Variants in CGNL1 observed in about 807,000 individuals in gnomAD.
CGNL1 encodes cingulin-like protein 1.
CGNL1 carries 132 observed loss-of-function variants against 141.2 expected under a neutral mutation model. The observed-to-expected ratio is 0.93, with a 90% confidence interval of 0.81 to 1.08. The LOEUF (loss-of-function observed/expected upper bound fraction) is 1.08, where lower values mean the gene tolerates loss of function less well. CGNL1 is among the 50% of genes least tolerant of loss of function. The pLI is 0.00. For synonymous variants in CGNL1, 690 were observed against 622.1 expected, an observed-to-expected ratio of 1.11 and a Z score of -1.63; for missense variants, 1,870 against 1,588.6, an observed-to-expected ratio of 1.18 and a Z score of -3.01.
At chr15:57,520,657 G>C (rs181507105) in intron 10 of CGNL1, among the ~76,000 whole-genome samples, 87 of 152,304 alleles carry the variant, frequency 5.7e-4, no homozygotes, top group African/African-American at 2.0e-3. Flanking sequence ...AAGTAAAGAA[G>C]CCTTTGCTGG....
At chr15:57,510,924 C>CTA (rs1314398290) in intron 8 of CGNL1, among the ~76,000 whole-genome samples, 1 of 152,188 alleles carries the variant, frequency 6.6e-6, no homozygotes, top group Non-Finnish European at 1.5e-5. Context: ...TCCGGCTCCG[C>CTA]TATCTTTCAC....
chr15:57,521,810 C>T (rs1396337121), intron 10 of CGNL1, among the ~76,000 whole-genome samples: 1 of 151,786 alleles, frequency 6.6e-6, no homozygotes, highest in African/African-American at 2.4e-5. Context: ...GCCTGGAGCC[C>T]TTGGGATTGG....
At chr15:57,437,167 C>T (rs183074696) in intron 1 of CGNL1, among the ~76,000 whole-genome samples, 1 of 152,262 alleles carries the variant, frequency 6.6e-6, no homozygotes, top group East Asian at 1.9e-4. Flanking sequence ...CAAGGTTGGC[C>T]ACACACCAGA....
intron 14 of CGNL1, among the ~76,000 whole-genome samples, chr15:57,541,111 C>G (rs2032541640): frequency 6.6e-6 from 1 of 152,260 alleles, no homozygotes; most frequent in Non-Finnish European, 1.5e-5. Context: ...CAGCGTGTCT[C>G]ATTCAATCAA....
chr15:57,545,638 G>T lies in CGNL1; in HGVS notation c.3547G>T (p.Val1183Leu). ...CAGCAACCGGCGGCTGGAGCGGAAA[G>T]TGAAGGAGCTGGTGATGCAGGTGGA... ...QLSNRRLERK[V>L]KELVMQVDDE... The change falls in exon 17 of 19, where the codon GTG becomes TTG. Residue 1183 changes from valine (V) to leucine (L), a missense_variant. By Grantham distance (32) the Val-to-Leu change is conservative. Coordinates refer to ENST00000281282, the MANE Select transcript of CGNL1 (RefSeq NM_032866.5). 6.2e-7 allele frequency: 1 copy of T among 1,613,838 alleles called. No individual in the cohort carries two copies. The highest frequency in any genetic ancestry group is 2.2e-5 in the East Asian group (1 of 44,890).
intron 1 of CGNL1, among the ~76,000 whole-genome samples, chr15:57,378,859 C>T (rs531255212): frequency 6.6e-6 from 1 of 152,296 alleles, no homozygotes; most frequent in African/African-American, 2.4e-5. Flanking sequence ...CTTCCACGAC[C>T]ATGCTCTGCT....
chr15:57,507,257 G>A (rs1201005937), intron 8 of CGNL1, among the ~76,000 whole-genome samples: 1 of 152,234 alleles, frequency 6.6e-6, no homozygotes, highest in Non-Finnish European at 1.5e-5. Context: ...TAGTTGCAGT[G>A]TGTTGTGGTC....
chr15:57,545,647 C>T lies in CGNL1; in HGVS notation c.3556C>T (p.Leu1186=). The T allele has an allele frequency of 6.2e-7, 1 of 1,613,814 alleles. No homozygotes were observed. The highest frequency in any genetic ancestry group is 8.5e-7 in the Non-Finnish European group (1 of 1,179,944). The change falls in exon 17 of 19, where the codon CTG becomes TTG. Residue 1186 remains leucine (L), a synonymous_variant. Coordinates refer to ENST00000281282, the MANE Select transcript of CGNL1 (RefSeq NM_032866.5). ...NRRLERKVKE[L]VMQVDDEHLS... is the part of the protein sequence containing the mutation. ...GCGGCTGGAGCGGAAAGTGAAGGAGCTGGTGATGCAGGTGGATGATGAGCA... is the reference window on the plus strand; with the variant it reads ...GCGGCTGGAGCGGAAAGTGAAGGAGTTGGTGATGCAGGTGGATGATGAGCA...
intron 8 of CGNL1, among the ~76,000 whole-genome samples, chr15:57,472,554 C>T (rs1156315536): frequency 2.0e-5 from 3 of 152,120 alleles, no homozygotes; most frequent in Admixed American, 6.5e-5. Flanking sequence ...TGGGATGATT[C>T]GTTCATGCTG....
chr15:57,468,234 C>T (rs1183123356), intron 8 of CGNL1, among the ~76,000 whole-genome samples: 7 of 85,912 alleles, frequency 8.1e-5, no homozygotes, highest in African/African-American at 3.5e-4. Flanking sequence ...TTTTCTTTTT[C>T]TTTTTTTTTT....
chr15:57,386,225 C>G (rs1406287693), intron 1 of CGNL1, among the ~76,000 whole-genome samples: 1 of 152,218 alleles, frequency 6.6e-6, no homozygotes, highest in African/African-American at 2.4e-5. Flanking sequence ...CCATTCCCTG[C>G]AGAGGACATT....
At chr15:57,523,767 T>TAG (rs2031429964) in intron 11 of CGNL1, 126 bp downstream of exon 11, 24 of 975,442 alleles carry the variant, frequency 2.5e-5, no homozygotes, top group Middle Eastern at 3.3e-4. Context: ...GTCAGGGATT[T>TAG]GCAGATCCCA....
chr15:57,413,928 C>T (rs2062821321), intron 1 of CGNL1, among the ~76,000 whole-genome samples: 1 of 152,148 alleles, frequency 6.6e-6, no homozygotes, highest in Admixed American at 6.5e-5. Context: ...GCCCCATTTG[C>T]AGTCATATAA....
At position 57,545,103 on chromosome 15, in the gene CGNL1, T is replaced by C. The variant is rs1206891588; in HGVS notation, c.3501-489T>C. Among the ~76,000 whole-genome samples the C allele has an allele frequency of 3.9e-5, 6 of 152,214 alleles. No individual in the cohort carries two copies. In the East Asian group the frequency reaches 1.2e-3, roughly 30 times the overall value. On this transcript the variant is annotated intron_variant, in intron 16 of 18. Transcript: ENST00000281282. ...AGCAACTCAGTTCTCTGCAGCTAAC[T>C]CTCTAATGGCAGCCCGAGGGCCAGC... is the stretch of plus-strand genomic sequence containing the variant.
At chr15:57,475,652 T>C (rs1355935679) in intron 8 of CGNL1, among the ~76,000 whole-genome samples, 1 of 118,594 alleles carries the variant, frequency 8.4e-6, no homozygotes, top group Non-Finnish European at 1.9e-5. Flanking sequence ...TCCCAAAGAA[T>C]CTTCTTCTTG....
At chr15:57,395,640 C>T (rs887651082) in intron 1 of CGNL1, among the ~76,000 whole-genome samples, 1 of 152,250 alleles carries the variant, frequency 6.6e-6, no homozygotes, top group African/African-American at 2.4e-5. Flanking sequence ...TTTGCTGCTG[C>T]TATTTTTGCT....
At chr15:57,532,598 A>C (rs1335351255) in intron 14 of CGNL1, among the ~76,000 whole-genome samples, 8 of 152,266 alleles carry the variant, frequency 5.3e-5, no homozygotes, top group Non-Finnish European at 8.8e-5. Flanking sequence ...CATAAGGATC[A>C]AATGTAAGTG....
At chr15:57,474,692 A>C (rs2063628959) in intron 8 of CGNL1, among the ~76,000 whole-genome samples, 1 of 152,216 alleles carries the variant, frequency 6.6e-6, no homozygotes, top group Admixed American at 6.5e-5. Context: ...GTGTTATAAA[A>C]AACATACATA....
chr15:57,405,006 C>G (rs2062699094), intron 1 of CGNL1: 1 of 152,188 alleles, frequency 6.6e-6, no homozygotes, highest in Non-Finnish European at 1.5e-5. Flanking sequence ...TACTGCCCAC[C>G]ATACTGTCTT....
Sources: allele counts gnomAD v4.1 joint callset (sites outside exome capture counted in the v4.1 genomes callset), GRCh38; gene constraint gnomAD v4.1.1; transcripts MANE v1.5; gene names NCBI Gene and HGNC (gene_info 2026-07-23, HGNC 2026-07-21).